FRAS1: variants seen among roughly 807,000 people sequenced by gnomAD.
FRAS1 encodes the protein extracellular matrix organizing protein FRAS1.
A neutral mutation model predicts 435.2 loss-of-function variants in FRAS1; 290 were observed. The ratio of observed to expected loss-of-function variants is 0.67; its 90% confidence interval spans 0.61 to 0.73. The LOEUF (loss-of-function observed/expected upper bound fraction) is 0.73. Ranked by LOEUF, FRAS1 falls within the 30% of genes least tolerant of loss-of-function variation. FRAS1 has a pLI of 0.00. For missense variants in FRAS1, 4,860 were observed against 5,001.5 expected (o/e 0.97, Z 0.85); for synonymous variants, 1,800 against 1,851.0 (o/e 0.97, Z 0.71).
intron 34 of FRAS1, among the ~76,000 whole-genome samples, chr4:78,422,246 A>G (rs1733817998): frequency 1.3e-5 from 2 of 151,688 alleles, no homozygotes; most frequent in African/African-American, 2.4e-5. Context: ...CTATGTGCCA[A>G]TCACTGAATG....
At chr4:78,238,610 G>A (rs949822585) in intron 3 of FRAS1, among the ~76,000 whole-genome samples, 2 of 152,028 alleles carry the variant, frequency 1.3e-5, no homozygotes, top group African/African-American at 2.4e-5. Context: ...AGTACTTTAA[G>A]TATTGGCAAA....
intron 2 of FRAS1, among the ~76,000 whole-genome samples, chr4:78,115,332 T>C (rs1286634508): frequency 6.6e-6 from 1 of 152,216 alleles, no homozygotes; most frequent in Non-Finnish European, 1.5e-5. Context: ...ATCAGGATGA[T>C]GCTGGCCTCA....
chr4:78,247,929 G>A (rs1725324917), intron 4 of FRAS1, among the ~76,000 whole-genome samples: 1 of 152,300 alleles, frequency 6.6e-6, no homozygotes, highest in Admixed American at 6.5e-5. Flanking sequence ...GGAGGCAGTT[G>A]AAGTGATACT....
chr4:78,361,062 A>G (rs1731056200), intron 20 of FRAS1, among the ~76,000 whole-genome samples: 2 of 152,236 alleles, frequency 1.3e-5, no homozygotes, highest in Non-Finnish European at 2.9e-5. Flanking sequence ...GGCTTTTCAG[A>G]TAACGGAGCC....
chr4:78,474,935 A>G (rs1719812954), intron 53 of FRAS1, among the ~76,000 whole-genome samples: 1 of 152,172 alleles, frequency 6.6e-6, no homozygotes, highest in African/African-American at 2.4e-5. Context: ...ATTTGTCTAA[A>G]CATCTCTGTT....
chr4:78,492,162 A>ATGCTCATGGAT (rs1170420368), intron 59 of FRAS1, among the ~76,000 whole-genome samples: 1 of 152,230 alleles, frequency 6.6e-6, no homozygotes, highest in African/African-American at 2.4e-5. Flanking sequence ...ACACAAATGG[A>ATGCTCATGGAT]AAAATATTCC....
At chr4:78,058,121 C>CGTGT (rs1560501414) in intron 1 of FRAS1, 36 bp downstream of exon 1, 3 of 978,044 alleles carry the variant, frequency 3.1e-6, no homozygotes, top group Non-Finnish European at 4.3e-6. Flanking sequence ...TGTGTGTGTG[C>CGTGT]GTGTGCGTGT....
chr4:78,406,658 A>G (rs1733107642), intron 30 of FRAS1, among the ~76,000 whole-genome samples: 1 of 147,318 alleles, frequency 6.8e-6, no homozygotes, highest in Non-Finnish European at 1.5e-5. Context: ...ACACAGCCAA[A>G]CTATGTCAAG....
At chr4:78,517,178 T>C (rs1013227268) in intron 66 of FRAS1, among the ~76,000 whole-genome samples, 8 of 152,222 alleles carry the variant, frequency 5.3e-5, no homozygotes, top group Non-Finnish European at 1.2e-4. Flanking sequence ...GAAAGTGTCT[T>C]TGATTAAAAT....
At chr4:78,521,370 G>A (rs1721380171) in intron 67 of FRAS1, among the ~76,000 whole-genome samples, 153 bp from the exon 68 acceptor site, 1 of 151,820 alleles carries the variant, frequency 6.6e-6, no homozygotes. Context: ...ATTTTAATTG[G>A]CATATGTTTC....
At chr4:78,302,549 A>G (rs1728465341) in intron 14 of FRAS1, among the ~76,000 whole-genome samples, 1 of 152,114 alleles carries the variant, frequency 6.6e-6, no homozygotes, top group Non-Finnish European at 1.5e-5. Flanking sequence ...TTGCCATTCT[A>G]ACTGGTGTGA....
In FRAS1 at chr4:78,464,059, T is replaced by G; in HGVS notation, c.6802T>G (p.Ser2268Ala). The G allele has an allele frequency of 6.2e-7, 1 of 1,613,712 alleles. No homozygotes were observed. ...ISSFTQADLTSRNVQYVHSSE... is the reference protein window; with the variant it reads ...ISSFTQADLTARNVQYVHSSE... ...TTCCTTTACTCAAGCTGATCTGACTTCACGAAATGTTCAGTATGTCCATTC... is the reference window on the plus strand; with the variant it reads ...TTCCTTTACTCAAGCTGATCTGACTGCACGAAATGTTCAGTATGTCCATTC... The change falls in exon 48 of 74, where the codon TCA becomes GCA. Residue 2268 changes from serine to alanine, a missense_variant. By Grantham distance (99) the Ser-to-Ala change is moderately conservative. Transcript: ENST00000512123.
Position 78,511,431 on chromosome 4 carries a change from C to T in FRAS1, c.9938C>T (p.Ser3313Phe). 1.2e-6 allele frequency: 2 copies of T among 1,613,922 alleles called. No individual in the cohort carries two copies. Among genetic ancestry groups the T allele is most frequent in the Non-Finnish European group, 1.7e-6 (2 of 1,179,844 alleles). Residue 3313 changes from serine to phenylalanine, a missense_variant, in exon 64 of 74, where the codon TCC becomes TTC. Transcript: ENST00000512123. ...ICHTPVVAGT[S>F]RGFQAQSFIA... ...CACACACCAGTGGTGGCTGGGACAT[C>T]CAGAGGCTTCCAGGCTCAGTCCTTC... is the stretch of plus-strand genomic sequence containing the variant.
intron 2 of FRAS1, among the ~76,000 whole-genome samples, chr4:78,234,060 G>GT (rs1724633280): frequency 6.6e-6 from 1 of 152,144 alleles, no homozygotes; most frequent in Non-Finnish European, 1.5e-5. Flanking sequence ...AGTGGGGAGC[G>GT]TAAGTAAGTG....
chr4:78,497,231 CAG>C (rs1720533906), intron 60 of FRAS1, among the ~76,000 whole-genome samples: 1 of 152,028 alleles, frequency 6.6e-6, no homozygotes, highest in South Asian at 2.1e-4. Context: ...AATGCTAAGA[CAG>C]AGAATAAAAG....
intron 1 of FRAS1, among the ~76,000 whole-genome samples, chr4:78,061,637 T>C (rs1230001277): frequency 1.3e-5 from 2 of 152,110 alleles, no homozygotes; most frequent in African/African-American, 4.8e-5. Context: ...GGCTGCAGAG[T>C]TGTTTCACTG....
At chr4:78,533,580 C>T (rs992961537) in intron 70 of FRAS1, among the ~76,000 whole-genome samples, 6 of 152,232 alleles carry the variant, frequency 3.9e-5, no homozygotes, top group Non-Finnish European at 8.8e-5. Flanking sequence ...ATGACACTGG[C>T]TCATGCGTTG....
chr4:78,140,648 TGTATATAC>T (rs1720122974), intron 2 of FRAS1, among the ~76,000 whole-genome samples: 1 of 150,744 alleles, frequency 6.6e-6, no homozygotes, highest in South Asian at 2.1e-4. Flanking sequence ...TATGTGTATA[TGTATATAC>T]GTATATACAT....
At chr4:78,126,147 T>G (rs10030639) in intron 2 of FRAS1, among the ~76,000 whole-genome samples, 33,043 of 152,158 alleles carry the variant, frequency 0.22, 3,958 homozygotes, top group Admixed American at 0.29. Flanking sequence ...CATCCCAGGT[T>G]GATCTCAGAC....
Sources: gnomAD v4.1 joint callset for allele counts (sites outside exome capture counted in the v4.1 genomes callset) on GRCh38, gnomAD v4.1.1 for gene constraint, MANE v1.5 for transcripts, NCBI Gene and HGNC (gene_info 2026-07-23, HGNC 2026-07-21) for gene names.